Variants in RTN4 observed in about 807,000 individuals in gnomAD.
RTN4 encodes the protein reticulon-4.
RTN4 carries 32 observed loss-of-function variants against 90.4 expected under a neutral mutation model. The ratio of observed to expected loss-of-function variants is 0.35; its 90% CI spans 0.27 to 0.48. The LOEUF (loss-of-function observed/expected upper bound fraction) is 0.48, where lower values mean the gene tolerates loss of function less well. Among genes scored for constraint, RTN4 ranks in the 20% least tolerant of loss-of-function variants. The pLI is 0.99. For synonymous variants in RTN4, 629 were observed against 552.5 expected (o/e 1.14, Z -1.94); for missense variants, 1,706 against 1,430.2 (o/e 1.19, Z -3.11).
chr2:55,011,186 A>AT (rs1351530301), intron 3 of RTN4, among the ~76,000 whole-genome samples: 2 of 151,980 alleles, frequency 1.3e-5, no homozygotes, highest in East Asian at 3.9e-4. Flanking sequence ...TGCCCAGTTA[A>AT]TTTTTTATTT....
chr2:54,973,006 C>A lies in RTN4; in HGVS notation c.*150G>T. 1 of 580,456 alleles carries A rather than the reference C, an allele frequency of 1.7e-6. No homozygotes were observed. 36.0% of individuals were successfully genotyped at this position (580,456 alleles called of 1,614,324 possible). ...GCAGTCAAGACAGGTAATTTTTCCT[C>A]ACAACAGTGCATGGCTAAAAATAAA... is the stretch of plus-strand genomic sequence containing the variant. On this transcript the variant is annotated 3_prime_UTR_variant, in exon 9 of 9. Coordinates refer to ENST00000337526, the MANE Select transcript of RTN4 (RefSeq NM_020532.5).
chr2:54,985,153 C>CTTTTT lies in RTN4; in HGVS notation c.3221+2333_3221+2337dup, dbSNP rs71769973. On this transcript the variant is annotated intron_variant, in intron 4 of 8. Coordinates refer to ENST00000337526, the MANE Select transcript of RTN4 (RefSeq NM_020532.5). ...TGGCTTGATAATAATATGACTCGGC[C>CTTTTT]TTTTTTTTTTTTTTTTTTTTTTTTT... 2.9e-3 allele frequency among the ~76,000 whole-genome samples: 165 copies of CTTTTT among 57,892 alleles called. 31 individuals carry two copies. The highest frequency in any genetic ancestry group is 4.8e-3 in the African/African-American group (67 of 13,902). The allele number at this position is 57,892 out of a possible 152,430, so 38.0% of individuals were successfully genotyped here.
intron 1 of RTN4, among the ~76,000 whole-genome samples, chr2:55,093,794 G>A (rs989827418): frequency 1.2e-4 from 18 of 152,178 alleles, no homozygotes; most frequent in African/African-American, 4.3e-4. Flanking sequence ...CTAACTCCCT[G>A]TTAAGGTCTG....
chr2:54,987,886 T>G (rs1295739162), intron 3 of RTN4, among the ~76,000 whole-genome samples, 188 bp from the exon 4 acceptor site: 1 of 152,250 alleles, frequency 6.6e-6, no homozygotes, highest in Non-Finnish European at 1.5e-5. Context: ...TATATTAGTA[T>G]AACACCTTTA....
intron 4 of RTN4, 51 bp from the exon 5 acceptor site, chr2:54,982,704 TA>T: frequency 6.5e-7 from 1 of 1,531,256 alleles, no homozygotes; most frequent in Non-Finnish European, 8.8e-7. Context: ...GATTTTCCCC[TA>T]AATGTCAATC....
the RTN4 span, among the ~76,000 whole-genome samples, chr2:55,127,650 T>C: frequency 6.6e-6 from 1 of 152,216 alleles, no homozygotes; most frequent in Non-Finnish European, 1.5e-5. Flanking sequence ...AGAGAGGAGA[T>C]TGAGGCCTTG....
chr2:54,980,018 A>G (rs1677989083), intron 5 of RTN4, among the ~76,000 whole-genome samples: 1 of 152,174 alleles, frequency 6.6e-6, no homozygotes, highest in Admixed American at 6.5e-5. Flanking sequence ...ATACTAAGAA[A>G]CAACAAGTGT....
At chr2:54,999,101 T>C (rs1279520307) in intron 3 of RTN4, among the ~76,000 whole-genome samples, 1 of 152,196 alleles carries the variant, frequency 6.6e-6, no homozygotes, top group African/African-American at 2.4e-5. Flanking sequence ...TAACAAACCC[T>C]TGTAGTTTAG....
At chr2:55,086,691 T>C (rs1668845137) in intron 1 of RTN4, among the ~76,000 whole-genome samples, 2 of 151,724 alleles carry the variant, frequency 1.3e-5, no homozygotes, top group African/African-American at 4.8e-5. Flanking sequence ...ATAATAATAA[T>C]TAATAATAAT....
intron 3 of RTN4, among the ~76,000 whole-genome samples, chr2:55,017,454 G>A (rs1367543585): frequency 6.6e-6 from 1 of 152,108 alleles, no homozygotes; most frequent in East Asian, 1.9e-4. Context: ...GGTGAATCCT[G>A]GGTATTACAT....
chr2:55,084,901 A>T (rs1668808656), intron 1 of RTN4, among the ~76,000 whole-genome samples: 1 of 152,008 alleles, frequency 6.6e-6, no homozygotes, highest in Admixed American at 6.5e-5. Context: ...CCCCCCTGAC[A>T]CTCAGCCAAC....
chr2:55,027,379 A>G lies in RTN4; in HGVS notation c.720T>C (p.Pro240=). 1 of 1,613,720 alleles carries G rather than the reference A, an allele frequency of 6.2e-7. No homozygotes were observed. The highest frequency in any genetic ancestry group is 8.5e-7 in the Non-Finnish European group (1 of 1,179,780). The change falls in exon 3 of 9, where the codon CCT becomes CCC. Residue 240 remains proline (P), a synonymous_variant. Coordinates refer to ENST00000337526, the MANE Select transcript of RTN4 (RefSeq NM_020532.5). ...ETAASLPSLS[P]LSAASFKEHE... ...GTTCTTTGAAAGAAGCGGCTGAGAGAGGAGACAGAGAAGGAAGAGAAGCAG... is the reference window on the plus strand; with the variant it reads ...GTTCTTTGAAAGAAGCGGCTGAGAGGGGAGACAGAGAAGGAAGAGAAGCAG...
intron 3 of RTN4, among the ~76,000 whole-genome samples, chr2:55,012,521 T>G (rs901283324): frequency 7.2e-5 from 11 of 152,168 alleles, no homozygotes; most frequent in African/African-American, 2.7e-4. Flanking sequence ...TGCTTAAATC[T>G]GAAAAACTGA....
At chr2:55,113,822 C>A (rs1391978806), upstream of RTN4, among the ~76,000 whole-genome samples, 1 of 152,156 alleles carries the variant, frequency 6.6e-6, no homozygotes, top group African/African-American at 2.4e-5. Context: ...TAAGGAACCA[C>A]CTGTCTAATA....
intron 1 of RTN4, among the ~76,000 whole-genome samples, chr2:55,043,476 G>A (rs1323746299): frequency 6.6e-6 from 1 of 152,100 alleles, no homozygotes; most frequent in African/African-American, 2.4e-5. Context: ...TAAATGGCGG[G>A]GCACAGTGGC....
At chr2:55,007,185 A>C (rs545456420) in intron 3 of RTN4, among the ~76,000 whole-genome samples, 7 of 152,112 alleles carry the variant, frequency 4.6e-5, no homozygotes, top group Non-Finnish European at 1.0e-4. Flanking sequence ...TTGTCCTGCA[A>C]ATCTATACCA....
At chr2:55,090,730 T>A (rs1668921267) in intron 1 of RTN4, among the ~76,000 whole-genome samples, 1 of 152,130 alleles carries the variant, frequency 6.6e-6, no homozygotes, top group African/African-American at 2.4e-5. Flanking sequence ...CTCATACAAT[T>A]TCTCCTCTTA....
At position 55,061,734 on chromosome 2, in the gene RTN4, T is replaced by C. The variant is rs558706159; in HGVS notation, c.-63+18755A>G. Among the ~76,000 whole-genome samples, 4 of 152,162 alleles carry C rather than the reference T, an allele frequency of 2.6e-5. No individual in the cohort carries two copies. The South Asian group carries it at 6.2e-4, about 24-fold the overall frequency. On this transcript the variant is annotated intron_variant, in intron 2 of 3. Transcript: ENST00000427710. ...AAAGCTGAAATTATGTTATGACAAA[T>C]TGATACAGAAGAGGGGCAGGGAAGT...
At chr2:54,975,286 A>T (rs546160434) in intron 5 of RTN4, among the ~76,000 whole-genome samples, 2 of 152,240 alleles carry the variant, frequency 1.3e-5, no homozygotes, top group Admixed American at 1.3e-4. Flanking sequence ...GCACAAAGTC[A>T]GTCTGAATTT....
Sources: gnomAD v4.1 joint callset for allele counts (sites outside exome capture counted in the v4.1 genomes callset) on GRCh38, gnomAD v4.1.1 for gene constraint, MANE v1.5 for transcripts, NCBI Gene and HGNC (gene_info 2026-07-23, HGNC 2026-07-21) for gene names.